Variants in FAM169A observed in about 807,000 individuals in gnomAD.
FAM169A encodes soluble lamin-associated protein of 75 kDa.
Under a neutral mutation model 75.7 loss-of-function variants are expected in FAM169A, and 24 were observed. The observed-to-expected ratio is 0.32, with a 90% CI of 0.23 to 0.45. The LOEUF (loss-of-function observed/expected upper bound fraction) is 0.45, where lower values mean the gene tolerates loss of function less well. Among genes scored for constraint, FAM169A ranks in the 20% least tolerant of loss-of-function variants. FAM169A has a pLI of 1.00. For synonymous variants in FAM169A, 271 were observed against 271.0 expected (o/e 1.00, Z 0.00); for missense variants, 673 against 784.0 (o/e 0.86, Z 1.69).
Position 74,799,203 on chromosome 5 carries a change from TG to T in FAM169A, c.1103+1676del, listed in dbSNP as rs1198847180. 5.6e-6 allele frequency: 7 copies of T among 1,257,948 alleles called. No homozygotes were observed. The Admixed American group carries it at 1.0e-4, about 18-fold the overall frequency. 77.9% of individuals were successfully genotyped at this position (1,257,948 alleles called of 1,614,324 possible). On this transcript the variant is annotated intron_variant, in intron 10 of 12. Transcript: ENST00000687041. Reference sequence around the variant, plus strand: ...CCAAGCATGACCACATCGTCACTTGTGGGGCAGACCACAATGCCTATGTCTG... The same window carrying T: ...CCAAGCATGACCACATCGTCACTTGTGGGCAGACCACAATGCCTATGTCTG...
chr5:74,830,627 C>T (rs1334322865), intron 5 of FAM169A, among the ~76,000 whole-genome samples: 3 of 152,136 alleles, frequency 2.0e-5, no homozygotes, highest in Non-Finnish European at 4.4e-5. Flanking sequence ...CTGCATATAT[C>T]CCAGTTCACT....
chr5:74,804,020 T>C (rs533362918), intron 8 of FAM169A, among the ~76,000 whole-genome samples: 3 of 152,138 alleles, frequency 2.0e-5, no homozygotes, highest in African/African-American at 4.8e-5. Context: ...TAGAATAGTG[T>C]GCTGCTATGT....
chr5:74,813,170 T>C (rs1034891318), intron 6 of FAM169A, among the ~76,000 whole-genome samples: 7 of 151,948 alleles, frequency 4.6e-5, no homozygotes, highest in Admixed American at 4.6e-4. Flanking sequence ...GAAGGGGAAA[T>C]GGATGGTGAC....
intron 10 of FAM169A, chr5:74,799,362 T>G: frequency 6.2e-7 from 1 of 1,611,524 alleles, no homozygotes; most frequent in Non-Finnish European, 8.5e-7. Flanking sequence ...TTTCAGTTTG[T>G]TACTTTGAGT....
Position 74,804,609 on chromosome 5 carries a change from C to A in FAM169A, c.800-4G>T, listed in dbSNP as rs1488980029. 2 of 1,505,714 alleles carry A rather than the reference C, an allele frequency of 1.3e-6. No individual in the cohort carries two copies. The highest frequency in any genetic ancestry group is 1.4e-5 in the African/African-American group (1 of 72,116). The allele number at this position is 1,505,714 out of a possible 1,614,324, so 93.3% of individuals were successfully genotyped here. On this transcript the variant is annotated splice_polypyrimidine_tract_variant and splice_region_variant and intron_variant, in intron 7 of 12. Coordinates refer to ENST00000687041, the MANE Select transcript of FAM169A (RefSeq NM_001376049.1). ...TTAGGTTCATTTTGAGAAAGTGCTG[C>A]GTATAGAAGAATTTTAAAAACTGTA...
intron 5 of FAM169A, among the ~76,000 whole-genome samples, chr5:74,827,982 T>G (rs1748123388): frequency 6.6e-6 from 1 of 152,138 alleles, no homozygotes; most frequent in Non-Finnish European, 1.5e-5. Flanking sequence ...GTATCATTTT[T>G]TAATTAGTTT....
chr5:74,781,625 TTCAGACTGCTCC>T lies in FAM169A; in HGVS notation c.1836_1847del (p.Glu613_Glu616del), dbSNP rs1242845585. 6.2e-7 allele frequency: 1 copy of T among 1,614,080 alleles called. No individual in the cohort carries two copies. The highest frequency in any genetic ancestry group is 8.5e-7 in the Non-Finnish European group (1 of 1,180,028). On this transcript the variant is annotated inframe_deletion, in exon 13 of 13. Coordinates refer to ENST00000687041, the MANE Select transcript of FAM169A (RefSeq NM_001376049.1). ...ACTGATCCAGTTGCTCGGAAGATGC[TTCAGACTGCTCC>T]TCTGACTGATTCTTCTGTCCTGCAT...
At chr5:74,800,772 T>C in intron 10 of FAM169A, 108 bp downstream of exon 10, 1 of 361,596 alleles carries the variant, frequency 2.8e-6, no homozygotes, top group Non-Finnish European at 4.3e-6. Flanking sequence ...ATAAACAATA[T>C]AAAATAGTAT....
intron 6 of FAM169A, among the ~76,000 whole-genome samples, chr5:74,812,104 G>A (rs1182542341): frequency 6.6e-6 from 1 of 152,136 alleles, no homozygotes; most frequent in Non-Finnish European, 1.5e-5. Flanking sequence ...TAGTACATGA[G>A]TATTTGATAT....
intron 10 of FAM169A, among the ~76,000 whole-genome samples, chr5:74,797,326 G>A (rs959172981): frequency 6.6e-6 from 1 of 152,086 alleles, no homozygotes; most frequent in Non-Finnish European, 1.5e-5. Flanking sequence ...ACAGAAGTGT[G>A]CCACCACGCC....
intron 10 of FAM169A, chr5:74,799,413 G>C (rs969458028): frequency 6.2e-6 from 10 of 1,613,240 alleles, no homozygotes; most frequent in Admixed American, 1.7e-5. Flanking sequence ...TTAAAAAGCT[G>C]ATTCGCTCCA....
intron 5 of FAM169A, among the ~76,000 whole-genome samples, chr5:74,830,864 G>T (rs1297134185): frequency 6.6e-6 from 1 of 151,770 alleles, no homozygotes; most frequent in Non-Finnish European, 1.5e-5. Flanking sequence ...TCATAATTTC[G>T]CCTATTGAGA....
intron 11 of FAM169A, among the ~76,000 whole-genome samples, chr5:74,783,992 T>C (rs914176537): frequency 3.9e-5 from 6 of 152,106 alleles, no homozygotes; most frequent in Non-Finnish European, 7.4e-5. Context: ...ATTTATTAAA[T>C]TGTTCTAAAA....
chr5:74,805,830 A>C (rs921509696), intron 6 of FAM169A, among the ~76,000 whole-genome samples: 1 of 152,074 alleles, frequency 6.6e-6, no homozygotes, highest in Non-Finnish European at 1.5e-5. Flanking sequence ...ATTGATCTAT[A>C]AATTCCATGC....
At chr5:74,782,827 C>T in intron 12 of FAM169A, 104 bp downstream of exon 12, 2 of 689,430 alleles carry the variant, frequency 2.9e-6, no homozygotes, top group East Asian at 2.7e-5. Context: ...TCCTAAAGCA[C>T]TGTACATGTA....
chr5:74,812,214 C>T (rs1348816180), intron 6 of FAM169A, among the ~76,000 whole-genome samples: 2 of 152,172 alleles, frequency 1.3e-5, no homozygotes, highest in African/African-American at 4.8e-5. Context: ...GCTTTGACCT[C>T]CTGGGCTCAA....
chr5:74,778,577 A>T lies in FAM169A; in HGVS notation c.*2883T>A, dbSNP rs1387522182. 7.1e-6 allele frequency: 1 copy of T among 141,160 alleles called. No homozygotes were observed. The highest frequency in any genetic ancestry group is 1.5e-5 in the Non-Finnish European group (1 of 66,832). The allele number at this position is 141,160 out of a possible 1,614,324, so 8.7% of individuals were successfully genotyped here. A position where few individuals can be genotyped will look rare whatever the true frequency, so the allele number is the denominator to read the frequency against. Reference sequence around the variant, plus strand: ...TTTTAAGTAGAAGACTGACGTTCTAAATCATGCTGTTTGATTTTATAAAAA... The same window carrying T: ...TTTTAAGTAGAAGACTGACGTTCTATATCATGCTGTTTGATTTTATAAAAA... On this transcript the variant is annotated 3_prime_UTR_variant, in exon 13 of 13. Coordinates refer to ENST00000687041, the MANE Select transcript of FAM169A (RefSeq NM_001376049.1).
chr5:74,829,793 G>A (rs1047585168), intron 5 of FAM169A, among the ~76,000 whole-genome samples: 4 of 152,112 alleles, frequency 2.6e-5, no homozygotes, highest in Admixed American at 6.5e-5. Flanking sequence ...GACCAACATG[G>A]TGAAACCCCA....
At chr5:74,811,086 A>C (rs2112566607) in intron 6 of FAM169A, among the ~76,000 whole-genome samples, 1 of 151,366 alleles carries the variant, frequency 6.6e-6, no homozygotes, top group African/African-American at 2.4e-5. Flanking sequence ...AGGCTCAAGC[A>C]AAATCTGGTG....
Sources: allele counts gnomAD v4.1 joint callset (sites outside exome capture counted in the v4.1 genomes callset), GRCh38; gene constraint gnomAD v4.1.1; transcripts MANE v1.5; gene names NCBI Gene and HGNC (gene_info 2026-07-23, HGNC 2026-07-21).